The following MYOM1 variants were observed in gnomAD, a reference collection of about 807,000 sequenced individuals.
The protein encoded by MYOM1 is myomesin-1.
In MYOM1, 164 loss-of-function variants were observed where a neutral mutation model predicts 205.3. That is an observed-to-expected ratio of 0.80 (90% CI 0.70 to 0.91). The LOEUF (loss-of-function observed/expected upper bound fraction) is 0.91, where lower values mean the gene tolerates loss of function less well. Ranked by LOEUF, MYOM1 falls within the 40% of genes least tolerant of loss-of-function variation. MYOM1 has a pLI of 0.00. For synonymous variants in MYOM1, 772 were observed against 789.4 expected, an observed-to-expected ratio of 0.98 and a Z score of 0.37; for missense variants, 2,011 against 2,127.3, an observed-to-expected ratio of 0.95 and a Z score of 1.08.
rs1239485215 is a variant in MYOM1, at chr18:3,085,202, T to C, written c.4252-70A>G. The C allele has an allele frequency of 1.4e-5, 12 of 846,544 alleles. No homozygotes were observed. The East Asian group carries it at 2.3e-4, about 16-fold the overall frequency. 52.4% of individuals were successfully genotyped at this position (846,544 alleles called of 1,614,324 possible). Reference sequence around the variant, plus strand: ...GGGCACGGTATCTGTGATTTTTTTTTTTCTTCTGCTTCTTCTGCTGCTGCT... The same window carrying C: ...GGGCACGGTATCTGTGATTTTTTTTCTTCTTCTGCTTCTTCTGCTGCTGCT... On this transcript the variant is annotated intron_variant, in intron 30 of 37. Coordinates refer to ENST00000356443, the MANE Select transcript of MYOM1 (RefSeq NM_003803.4).
Position 3,089,588 on chromosome 18 carries a change from T to A in MYOM1, c.4018A>T (p.Lys1340Ter). The A allele has an allele frequency of 6.2e-7, 1 of 1,606,842 alleles. No homozygotes were observed. Among genetic ancestry groups the A allele is most frequent in the Non-Finnish European group, 8.5e-7 (1 of 1,176,516 alleles). ...TGGAATTCAGCTTCTTTCTGGAGCT[T>A]TTTGAAAACTACAAATTGAAAAACA... ...TVVLVGDVFK[K>*]LQKEAEFQRQ... is the part of the protein sequence containing the mutation. The change falls in exon 28 of 38, where the codon AAG (lysine) becomes TAG (stop). Residue 1340 changes from lysine to a stop codon, truncating the protein, a stop_gained. Transcript: ENST00000356443. LOFTEE classifies it high-confidence loss of function.
chr18:3,069,623 T>C (rs1234467607), intron 37 of MYOM1, among the ~76,000 whole-genome samples: 2 of 151,276 alleles, frequency 1.3e-5, no homozygotes, highest in Non-Finnish European at 2.9e-5. Context: ...ATTAGGTATA[T>C]GCTTTTGGAA....
intron 2 of MYOM1, among the ~76,000 whole-genome samples, chr18:3,201,260 A>T (rs1028899280): frequency 6.6e-6 from 1 of 152,006 alleles, no homozygotes; most frequent in African/African-American, 2.4e-5. Flanking sequence ...TTAGCCGGGC[A>T]TGGTGGTGCA....
the MYOM1 span, among the ~76,000 whole-genome samples, chr18:3,232,288 C>A: frequency 6.6e-6 from 1 of 151,830 alleles, no homozygotes; most frequent in Non-Finnish European, 1.5e-5. Context: ...CGAGATGGTG[C>A]CCTTGTACTC....
intron 33 of MYOM1, among the ~76,000 whole-genome samples, chr18:3,082,428 A>C (rs961281407): frequency 1.3e-5 from 2 of 152,146 alleles, no homozygotes; most frequent in African/African-American, 4.8e-5. Context: ...AGGAGCACCT[A>C]CCATGTAGAA....
intron 14 of MYOM1, among the ~76,000 whole-genome samples, chr18:3,138,087 C>T (rs1294624815): frequency 6.6e-6 from 1 of 152,066 alleles, no homozygotes; most frequent in African/African-American, 2.4e-5. Context: ...GAATGAAGGA[C>T]GTGGTGTATA....
chr18:3,137,096 G>GC (rs1186902945), intron 14 of MYOM1, among the ~76,000 whole-genome samples: 2 of 151,596 alleles, frequency 1.3e-5, no homozygotes, highest in Admixed American at 6.6e-5. Flanking sequence ...GACTACAGGC[G>GC]CCCCCCACCA....
intron 33 of MYOM1, among the ~76,000 whole-genome samples, chr18:3,082,142 G>T (rs1018761326): frequency 6.6e-6 from 1 of 152,236 alleles, no homozygotes; most frequent in Non-Finnish European, 1.5e-5. Flanking sequence ...CTGACAGGAG[G>T]CGGAGCTCAG....
intron 26 of MYOM1, 93 bp downstream of exon 26, chr18:3,094,077 C>A (rs1252902305): frequency 5.3e-6 from 7 of 1,311,526 alleles, no homozygotes; most frequent in Non-Finnish European, 6.4e-6. Context: ...CACCACCCAG[C>A]GGTTTTTATA....
intron 5 of MYOM1, among the ~76,000 whole-genome samples, chr18:3,176,396 CA>C (rs2080641512): frequency 6.6e-6 from 1 of 152,164 alleles, no homozygotes; most frequent in Non-Finnish European, 1.5e-5. Flanking sequence ...GGCTGAATAT[CA>C]TGTAACATAG....
intron 22 of MYOM1, among the ~76,000 whole-genome samples, chr18:3,106,248 A>G (rs755200375): frequency 1.3e-5 from 2 of 152,216 alleles, no homozygotes; most frequent in Non-Finnish European, 2.9e-5. Context: ...CTGATCCCCC[A>G]GGATAAAGAG....
chr18:3,087,483 A>G (rs1598657502), intron 29 of MYOM1, among the ~76,000 whole-genome samples: 1 of 143,156 alleles, frequency 7.0e-6, no homozygotes. Context: ...GGTTCCTCCT[A>G]CGTTCTTTTT....
chr18:3,193,303 C>CGT (rs2080939711), intron 3 of MYOM1, among the ~76,000 whole-genome samples: 1 of 144,656 alleles, frequency 6.9e-6, no homozygotes, highest in Admixed American at 6.9e-5. Context: ...CATATACATA[C>CGT]ATATATATAT....
At chr18:3,070,448 G>T (rs527261484) in intron 37 of MYOM1, among the ~76,000 whole-genome samples, 41 of 152,298 alleles carry the variant, frequency 2.7e-4, no homozygotes, top group African/African-American at 9.4e-4. Flanking sequence ...ACTGCACCCA[G>T]TGGCTGTAAA....
upstream of MYOM1, chr18:3,220,205 TG>T (rs1348988834): frequency 2.0e-5 from 3 of 152,188 alleles, no homozygotes; most frequent in African/African-American, 7.2e-5. Context: ...AATTTAAAAG[TG>T]TAATGGAAAG....
intron 2 of MYOM1, among the ~76,000 whole-genome samples, chr18:3,202,210 C>G (rs1309193297): frequency 2.0e-5 from 3 of 151,468 alleles, no homozygotes; most frequent in African/African-American, 4.9e-5. Context: ...AGTCAAGAAA[C>G]AAAAGAATTA....
chr18:3,212,672 A>G (rs1438429770), intron 2 of MYOM1, among the ~76,000 whole-genome samples: 2 of 152,220 alleles, frequency 1.3e-5, no homozygotes, highest in African/African-American at 4.8e-5. Context: ...TCTTCTATAA[A>G]CCTAGCACAA....
chr18:3,155,427 T>A (rs540753769), intron 10 of MYOM1, among the ~76,000 whole-genome samples: 5 of 152,182 alleles, frequency 3.3e-5, no homozygotes, highest in African/African-American at 9.7e-5. Flanking sequence ...GGTTTCACCG[T>A]GTTAGCCAGG....
chr18:3,188,301 C>T (rs2080850279), intron 4 of MYOM1, among the ~76,000 whole-genome samples: 1 of 151,976 alleles, frequency 6.6e-6, no homozygotes, highest in Non-Finnish European at 1.5e-5. Flanking sequence ...TTTGTTTCTC[C>T]AAAAGACCAC....
Sources: gnomAD v4.1 joint callset for allele counts (sites outside exome capture counted in the v4.1 genomes callset) on GRCh38, gnomAD v4.1.1 for gene constraint, MANE v1.5 for transcripts, NCBI Gene and HGNC (gene_info 2026-07-23, HGNC 2026-07-21) for gene names.